Variants in PRKRIP1 observed in about 807,000 individuals in gnomAD.
The protein encoded by PRKRIP1 is PRKR-interacting protein 1.
Under a neutral mutation model 29.3 loss-of-function variants are expected in PRKRIP1, and 29 were observed. The ratio of observed to expected loss-of-function variants is 0.99; its 90% CI spans 0.74 to 1.35. The LOEUF is 1.35. Among genes scored for constraint, PRKRIP1 ranks in the 40% most tolerant of loss-of-function variants. The pLI is 0.00. For missense variants in PRKRIP1, 247 were observed against 236.8 expected, an observed-to-expected ratio of 1.04 and a Z score of -0.28; for synonymous variants, 90 against 85.1, an observed-to-expected ratio of 1.06 and a Z score of -0.32.
At chr7:102,417,128 T>A (rs1271412716) in intron 5 of PRKRIP1, among the ~76,000 whole-genome samples, 1 of 152,056 alleles carries the variant, frequency 6.6e-6, no homozygotes, top group African/African-American at 2.4e-5. Flanking sequence ...GTCCTGGGAT[T>A]ACATGTGTGA....
chr7:102,418,301 C>T (rs1038487262), intron 5 of PRKRIP1, among the ~76,000 whole-genome samples: 9 of 152,206 alleles, frequency 5.9e-5, no homozygotes, highest in South Asian at 2.1e-4. Flanking sequence ...CCACCTGCCT[C>T]GGCCTCCCAA....
chr7:102,396,442 C>T lies in PRKRIP1; in HGVS notation c.31C>T (p.Pro11Ser), dbSNP rs760425875. Reference sequence around the variant, plus strand: ...TAGCCCAGCCGCCTCCTCGGTGCGACCACCGAGGCCCAAGAAAGAGCCGCA... The same window carrying T: ...TAGCCCAGCCGCCTCCTCGGTGCGATCACCGAGGCCCAAGAAAGAGCCGCA... The part of the protein sequence containing the change: MASPAASSVR[P>S]PRPKKEPQTL... Residue 11 changes from proline to serine, a missense_variant, in exon 1 of 6, where the codon CCA (proline) becomes TCA (serine). Pro to Ser is a moderately conservative substitution (Grantham distance 74). Transcript: ENST00000397912. 6 of 1,595,842 alleles carry T rather than the reference C, an allele frequency of 3.8e-6. No homozygotes were observed. The Admixed American group carries it at 7.3e-5, about 19-fold the overall frequency.
intron 5 of PRKRIP1, among the ~76,000 whole-genome samples, chr7:102,413,737 C>T (rs1364778096): frequency 6.6e-6 from 1 of 152,158 alleles, no homozygotes; most frequent in African/African-American, 2.4e-5. Flanking sequence ...CTGATTTTAT[C>T]ATGTAACATT....
intron 5 of PRKRIP1, among the ~76,000 whole-genome samples, chr7:102,421,271 C>T (rs989113864): frequency 3.3e-5 from 5 of 152,194 alleles, no homozygotes; most frequent in East Asian, 3.9e-4. Flanking sequence ...AGGCTGGGCA[C>T]GGTGGCTCAT....
intron 3 of PRKRIP1, among the ~76,000 whole-genome samples, chr7:102,402,146 G>A (rs10229997): frequency 6.6e-6 from 1 of 152,126 alleles, no homozygotes; most frequent in East Asian, 1.9e-4. Context: ...AATGCTCTGT[G>A]TATAGAAACC....
intron 4 of PRKRIP1, among the ~76,000 whole-genome samples, chr7:102,406,421 A>G (rs1796224488): frequency 6.6e-6 from 1 of 152,198 alleles, no homozygotes; most frequent in South Asian, 2.1e-4. Flanking sequence ...GTTGTTGCGT[A>G]GAGTAAGAGA....
At chr7:102,417,165 T>C (rs1796576205) in intron 5 of PRKRIP1, among the ~76,000 whole-genome samples, 1 of 152,108 alleles carries the variant, frequency 6.6e-6, no homozygotes, top group African/African-American at 2.4e-5. Flanking sequence ...AATTTTGGTA[T>C]TTTTTCTGGA....
Position 102,407,309 on chromosome 7 carries a change from T to A in PRKRIP1, c.393-125T>A, listed in dbSNP as rs1397871954. On this transcript the variant is annotated intron_variant, in intron 4 of 5. Coordinates refer to ENST00000397912, the MANE Select transcript of PRKRIP1 (RefSeq NM_024653.4). Reference sequence around the variant, plus strand: ...CTTTTGCACTCACCTAATATTTTTCTTATTTTGTTATTGTAATGTTTGTGT... The same window carrying A: ...CTTTTGCACTCACCTAATATTTTTCATATTTTGTTATTGTAATGTTTGTGT... 2.4e-5 allele frequency: 15 copies of A among 618,162 alleles called. No homozygotes were observed. In the East Asian group the frequency reaches 3.9e-4, roughly 16 times the overall value. 38.3% of individuals were successfully genotyped at this position (618,162 alleles called of 1,614,324 possible).
At chr7:102,408,826 G>A (rs578234708) in intron 5 of PRKRIP1, among the ~76,000 whole-genome samples, 3 of 152,178 alleles carry the variant, frequency 2.0e-5, no homozygotes, top group South Asian at 2.1e-4. Context: ...GCAGTGAGCC[G>A]AGATCACGCC....
At position 102,398,579 on chromosome 7, in the gene PRKRIP1, C is replaced by T. The variant is rs1265622335; in HGVS notation, c.205+881C>T. ...GGATTACAGCTGTGAACCACAGTGC[C>T]CGGCCATCTCCTGCATTATTCTTAA... On this transcript the variant is annotated intron_variant, in intron 2 of 5. Coordinates refer to ENST00000397912, the MANE Select transcript of PRKRIP1 (RefSeq NM_024653.4). 7.2e-5 allele frequency among the ~76,000 whole-genome samples: 11 copies of T among 152,218 alleles called. No homozygotes were observed. In the South Asian group the frequency reaches 2.3e-3, roughly 32 times the overall value.
At chr7:102,400,631 A>G (rs1479136437) in intron 3 of PRKRIP1, among the ~76,000 whole-genome samples, 3 of 151,976 alleles carry the variant, frequency 2.0e-5, no homozygotes, top group African/African-American at 7.2e-5. Flanking sequence ...TTCTGTGTAG[A>G]TACTAACTTT....
chr7:102,405,924 AT>A (rs1796205448), intron 4 of PRKRIP1: 1 of 338,710 alleles, frequency 3.0e-6, no homozygotes, highest in Non-Finnish European at 5.8e-6. Context: ...CTTGGAAAGC[AT>A]TTTCTGCATC....
chr7:102,417,205 G>A (rs1170599197), intron 5 of PRKRIP1, among the ~76,000 whole-genome samples: 1 of 152,086 alleles, frequency 6.6e-6, no homozygotes, highest in African/African-American at 2.4e-5. Context: ...GCCCAGGCTG[G>A]TGCCATCACT....
At chr7:102,419,368 C>T (rs958901669) in intron 5 of PRKRIP1, among the ~76,000 whole-genome samples, 5 of 152,054 alleles carry the variant, frequency 3.3e-5, no homozygotes, top group Admixed American at 2.6e-4. Context: ...GAGCCAAGAT[C>T]ACACCACTGC....
chr7:102,401,727 C>CT (rs1240048921), intron 3 of PRKRIP1, among the ~76,000 whole-genome samples: 1 of 152,016 alleles, frequency 6.6e-6, no homozygotes. Flanking sequence ...GAGTGAAACT[C>CT]TGTCTCAAAA....
At chr7:102,399,697 G>C in intron 3 of PRKRIP1, 49 bp downstream of exon 3, 1 of 1,429,688 alleles carries the variant, frequency 7.0e-7, no homozygotes, top group Non-Finnish European at 9.9e-7. Context: ...GGCAGTGTGC[G>C]TGTACTTTCT....
intron 3 of PRKRIP1, among the ~76,000 whole-genome samples, chr7:102,402,718 G>C (rs185305269): frequency 1.3e-5 from 2 of 152,162 alleles, no homozygotes; most frequent in Admixed American, 1.3e-4. Context: ...AGGCAAGCAC[G>C]TCCTCATTTT....
intron 5 of PRKRIP1, among the ~76,000 whole-genome samples, chr7:102,418,366 G>T (rs1415447172): frequency 1.3e-5 from 2 of 151,980 alleles, no homozygotes; most frequent in African/African-American, 4.8e-5. Context: ...TGCTTTTAGA[G>T]AAATGGTATT....
At chr7:102,404,363 A>G (rs965320843) in intron 3 of PRKRIP1, 32 of 480,996 alleles carry the variant, frequency 6.7e-5, no homozygotes, top group Non-Finnish European at 9.9e-5. Context: ...TGTGCTATGC[A>G]TGAGTGGTGC....
Sources: gnomAD v4.1 joint callset for allele counts (sites outside exome capture counted in the v4.1 genomes callset) on GRCh38, gnomAD v4.1.1 for gene constraint, MANE v1.5 for transcripts, NCBI Gene and HGNC (gene_info 2026-07-23, HGNC 2026-07-21) for gene names.